BMPR1B: variants seen among roughly 807,000 people sequenced by gnomAD.
The protein encoded by BMPR1B is bone morphogenetic protein receptor type 1B, also known as bone morphogenetic protein receptor type-1B.
In BMPR1B, 12 loss-of-function variants were observed where a neutral mutation model predicts 59.1. The ratio of observed to expected loss-of-function variants is 0.20; its 90% CI spans 0.13 to 0.33. BMPR1B has a LOEUF of 0.33. Ranked by LOEUF, BMPR1B falls within the 10% of genes least tolerant of loss-of-function variation. The pLI, the probability that BMPR1B is intolerant of heterozygous loss-of-function variation, is 1.00. For missense variants in BMPR1B, 550 were observed against 610.9 expected, an observed-to-expected ratio of 0.90 and a Z score of 1.05; for synonymous variants, 237 against 207.3, an observed-to-expected ratio of 1.14 and a Z score of -1.23.
At position 94,832,513 on chromosome 4, in the gene BMPR1B, C is replaced by T. The variant is rs78511468; in HGVS notation, c.-182-43318C>T. 7.7e-3 allele frequency among the ~76,000 whole-genome samples: 1,174 copies of T among 152,164 alleles called. 9 individuals carry two copies. Among genetic ancestry groups the T allele is most frequent in the African/African-American group, 0.027 (1,119 of 41,524 alleles). On this transcript the variant is annotated intron_variant, in intron 1 of 12. Transcript: ENST00000515059. ...AGGTAGTGTAGCAGCCGAGCATGGTCGCTCATGCCTGTAATCCCAGGACTT... is the reference window on the plus strand; with the variant it reads ...AGGTAGTGTAGCAGCCGAGCATGGTTGCTCATGCCTGTAATCCCAGGACTT...
At chr4:95,028,575 CCT>C (rs1724586922) in intron 3 of BMPR1B, among the ~76,000 whole-genome samples, 1 of 152,078 alleles carries the variant, frequency 6.6e-6, no homozygotes, top group African/African-American at 2.4e-5. Context: ...GGCAAAATTA[CCT>C]TACTTTAAAA....
At chr4:94,948,618 T>A (rs908932048) in intron 2 of BMPR1B, among the ~76,000 whole-genome samples, 1 of 152,308 alleles carries the variant, frequency 6.6e-6, no homozygotes, top group Non-Finnish European at 1.5e-5. Context: ...AGGTCCTTTT[T>A]TTAAAGAAGG....
chr4:94,802,943 AG>A (rs1293471258), intron 1 of BMPR1B, among the ~76,000 whole-genome samples: 2 of 152,100 alleles, frequency 1.3e-5, no homozygotes, highest in African/African-American at 4.8e-5. Context: ...GGCAGGACAG[AG>A]GTGTGGAGTG....
At chr4:95,024,618 A>T (rs1012656068) in intron 3 of BMPR1B, among the ~76,000 whole-genome samples, 2 of 152,182 alleles carry the variant, frequency 1.3e-5, no homozygotes, top group African/African-American at 4.8e-5. Context: ...CACAGTATAG[A>T]TGCTTGCGAC....
chr4:94,926,879 T>C (rs1332315516), intron 2 of BMPR1B, among the ~76,000 whole-genome samples: 1 of 152,172 alleles, frequency 6.6e-6, no homozygotes, highest in African/African-American at 2.4e-5. Context: ...AATGTGTAAT[T>C]TAAACTGTCT....
At chr4:94,838,544 C>T (rs1418581673) in intron 1 of BMPR1B, among the ~76,000 whole-genome samples, 4 of 134,666 alleles carry the variant, frequency 3.0e-5, no homozygotes, top group South Asian at 2.5e-4. Context: ...AGTTTATTTG[C>T]GTAGAGGTGT....
chr4:95,059,380 A>G (rs1201643710), intron 3 of BMPR1B, among the ~76,000 whole-genome samples: 1 of 152,180 alleles, frequency 6.6e-6, no homozygotes, highest in African/African-American at 2.4e-5. Flanking sequence ...GTATCACTAA[A>G]TATTTCCTAC....
At chr4:94,765,323 T>C (rs1290552466) in intron 1 of BMPR1B, among the ~76,000 whole-genome samples, 8 of 152,226 alleles carry the variant, frequency 5.3e-5, no homozygotes, top group East Asian at 1.9e-4. Context: ...TTTGTGACTT[T>C]CGTTTTGAAT....
intron 3 of BMPR1B, among the ~76,000 whole-genome samples, chr4:95,038,659 A>G: frequency 6.6e-6 from 1 of 152,370 alleles, no homozygotes; most frequent in East Asian, 1.9e-4. Context: ...TTAATAAAAA[A>G]TTAAAAATAC....
intron 3 of BMPR1B, among the ~76,000 whole-genome samples, chr4:95,098,819 C>G (rs1730614164): frequency 6.6e-6 from 1 of 152,094 alleles, no homozygotes; most frequent in African/African-American, 2.4e-5. Context: ...CAGGTTCACA[C>G]CATTCTCCTG....
intron 3 of BMPR1B, among the ~76,000 whole-genome samples, chr4:95,094,122 C>T (rs765435247): frequency 3.3e-5 from 5 of 151,982 alleles, no homozygotes; most frequent in Non-Finnish European, 5.9e-5. Flanking sequence ...GCTGATTTGT[C>T]TTACAAGCAA....
chr4:95,092,393 T>C (rs1211674066), intron 3 of BMPR1B, among the ~76,000 whole-genome samples: 1 of 152,072 alleles, frequency 6.6e-6, no homozygotes, highest in African/African-American at 2.4e-5. Flanking sequence ...CAGTTTTCTT[T>C]GGTTTACAGT....
At chr4:95,131,630 G>C in intron 10 of BMPR1B, 118 bp downstream of exon 10, 1 of 1,222,736 alleles carries the variant, frequency 8.2e-7, no homozygotes, top group South Asian at 1.4e-5. Flanking sequence ...TTTGACATTT[G>C]ACGGGGAGAA....
Position 95,135,612 on chromosome 4 carries a change from C to G in BMPR1B, c.1076+4100C>G, listed in dbSNP as rs529706733. Reference sequence around the variant, plus strand: ...AAATTGGATTCCTAGGTATTTTATTCTCTTTGAAGCAATTGTGAATGGGAG... The same window carrying G: ...AAATTGGATTCCTAGGTATTTTATTGTCTTTGAAGCAATTGTGAATGGGAG... On this transcript the variant is annotated intron_variant, in intron 10 of 12. Coordinates refer to ENST00000515059, the MANE Select transcript of BMPR1B (RefSeq NM_001203.3). Among the ~76,000 whole-genome samples, 187 of 152,218 alleles carry G rather than the reference C, an allele frequency of 1.2e-3. 1 individual carries two copies. Among genetic ancestry groups the G allele is most frequent in the African/African-American group, 3.5e-3 (145 of 41,536 alleles).
chr4:94,886,685 C>T (rs146035935), intron 2 of BMPR1B, among the ~76,000 whole-genome samples: 1 of 152,294 alleles, frequency 6.6e-6, no homozygotes, highest in African/African-American at 2.4e-5. Context: ...AAAATATACA[C>T]TCAACATCAC....
At chr4:94,937,877 G>A (rs1470060621) in intron 2 of BMPR1B, among the ~76,000 whole-genome samples, 3 of 152,108 alleles carry the variant, frequency 2.0e-5, no homozygotes, top group African/African-American at 7.2e-5. Context: ...TATGGTTTGA[G>A]CCATGACAAA....
chr4:94,953,454 T>G (rs376477958), intron 2 of BMPR1B, among the ~76,000 whole-genome samples: 79 of 152,320 alleles, frequency 5.2e-4, no homozygotes, highest in Middle Eastern at 3.4e-3. Context: ...AAGGCAGGCC[T>G]GGTAGTGACA....
chr4:94,762,721 TA>T (rs1721825684), intron 1 of BMPR1B, among the ~76,000 whole-genome samples: 1 of 152,210 alleles, frequency 6.6e-6, no homozygotes, highest in South Asian at 2.1e-4. Context: ...AGTACCTGAA[TA>T]AGGCCATGTG....
chr4:94,878,296 A>G (rs906757900), intron 2 of BMPR1B, among the ~76,000 whole-genome samples: 1 of 152,210 alleles, frequency 6.6e-6, no homozygotes, highest in Non-Finnish European at 1.5e-5. Context: ...CAACAAATTT[A>G]GTTTAAAGAT....
Sources: gnomAD v4.1 joint callset for allele counts (sites outside exome capture counted in the v4.1 genomes callset) on GRCh38, gnomAD v4.1.1 for gene constraint, MANE v1.5 for transcripts, NCBI Gene and HGNC (gene_info 2026-07-23, HGNC 2026-07-21) for gene names.